The following TJP3 variants were observed in gnomAD, a reference collection of about 807,000 sequenced individuals.
The protein encoded by TJP3 is tight junction protein ZO-3.
A neutral mutation model predicts 104.2 loss-of-function variants in TJP3; 85 were observed. That is an observed-to-expected ratio of 0.82 (90% CI 0.68 to 0.98). TJP3 has a LOEUF of 0.98. Ranked by LOEUF, TJP3 falls within the 50% of genes least tolerant of loss-of-function variation. TJP3 has a pLI of 0.00. For synonymous variants in TJP3, 550 were observed against 550.6 expected (o/e 1.00, Z 0.02); for missense variants, 1,367 against 1,322.8 (o/e 1.03, Z -0.52).
chr19:3,715,085 G>A (rs186057619), intron 1 of TJP3, among the ~76,000 whole-genome samples: 2 of 147,710 alleles, frequency 1.4e-5, no homozygotes, highest in South Asian at 4.2e-4. Flanking sequence ...TGTTTGTTTG[G>A]TTGGTTGGTT....
Position 3,744,148 on chromosome 19 carries a change from C to T in TJP3, c.1939+114C>T. On this transcript the variant is annotated intron_variant, in intron 15 of 20. Transcript: ENST00000541714. ...GATGGCAAACATGAAGCAGATGGGC[C>T]ACCAGTGCCCCCCCCAATACCCAAG... The T allele has an allele frequency of 3.4e-6, 3 of 893,616 alleles. No individual in the cohort carries two copies. In the South Asian group the frequency reaches 4.5e-5, roughly 14 times the overall value. 55.4% of individuals were successfully genotyped at this position (893,616 alleles called of 1,614,324 possible).
At chr19:3,724,741 G>A (rs1273050229) in intron 1 of TJP3, among the ~76,000 whole-genome samples, 1 of 152,034 alleles carries the variant, frequency 6.6e-6, no homozygotes, top group African/African-American at 2.4e-5. Context: ...GTCTCACTAT[G>A]TTGCTCAGGT....
At chr19:3,729,787 A>AG (rs2145682053) in intron 3 of TJP3, among the ~76,000 whole-genome samples, 1 of 151,622 alleles carries the variant, frequency 6.6e-6, no homozygotes, top group East Asian at 1.9e-4. Flanking sequence ...GTCTCAAAAA[A>AG]AAAAAAAAAA....
At position 3,750,164 on chromosome 19, in the gene TJP3, G is replaced by T; in HGVS notation, c.2637G>T (p.Gln879His). 1 of 1,613,916 alleles carries T rather than the reference G, an allele frequency of 6.2e-7. No homozygotes were observed. The highest frequency in any genetic ancestry group is 1.1e-5 in the South Asian group (1 of 91,050). ...AQVDSRHPQG[Q>H]WRQDSMRTYE... is the part of the protein sequence containing the mutation. ...TGGACAGCCGCCACCCCCAGGGACA[G>T]TGGCGACAGGACAGCATGCGGTAAG... The change falls in exon 20 of 21, where the codon CAG becomes CAT. Residue 879 changes from glutamine (Q) to histidine (H), a missense_variant. Gln to His is a conservative substitution (Grantham distance 24). Coordinates refer to ENST00000541714, the MANE Select transcript of TJP3 (RefSeq NM_001267560.2).
chr19:3,741,691 G>T (rs1020625149), intron 14 of TJP3, among the ~76,000 whole-genome samples: 7 of 151,330 alleles, frequency 4.6e-5, no homozygotes, highest in African/African-American at 1.7e-4. Flanking sequence ...TTTTGGGCCT[G>T]GGTGCGGTGG....
intron 14 of TJP3, among the ~76,000 whole-genome samples, chr19:3,742,146 T>A (rs1568386731): frequency 6.6e-6 from 1 of 152,144 alleles, no homozygotes; most frequent in Admixed American, 6.6e-5. Flanking sequence ...ATAATTTATC[T>A]TCTTTGACCG....
chr19:3,749,850 G>A (rs143470894), intron 19 of TJP3, among the ~76,000 whole-genome samples: 300 of 152,330 alleles, frequency 2.0e-3, no homozygotes, highest in African/African-American at 7.1e-3. Context: ...ACTGTACTAA[G>A]TCCTTTACGT....
intron 1 of TJP3, among the ~76,000 whole-genome samples, chr19:3,726,126 AC>A (rs1427425120): frequency 6.6e-6 from 1 of 151,728 alleles, no homozygotes; most frequent in Non-Finnish European, 1.5e-5. Flanking sequence ...AGCCTAGAAA[AC>A]CCGCCCCGGG....
chr19:3,735,583 G>C lies in TJP3; in HGVS notation c.1004G>C (p.Arg335Pro), dbSNP rs776813425. Residue 335 changes from arginine (R) to proline (P), a missense_variant, in exon 9 of 21, where the codon CGG becomes CCG. Transcript: ENST00000541714. ...TDSPVESPRL[R>P]RESSVDSRTI... ...CCCACCAGGGAGAGTCCCCGGCTTC[G>C]GCGGGAAAGTTCAGTAGATTCCAGA... is the stretch of plus-strand genomic sequence containing the variant. 6.2e-7 allele frequency: 1 copy of C among 1,614,036 alleles called. No individual in the cohort carries two copies. The highest frequency in any genetic ancestry group is 1.3e-5 in the African/African-American group (1 of 74,914).
chr19:3,736,113 C>G, intron 10 of TJP3, 52 bp from the exon 11 acceptor site: 1 of 1,561,706 alleles, frequency 6.4e-7, no homozygotes, highest in South Asian at 1.2e-5. Context: ...ATGCTGAGCC[C>G]TCCCTTTGTC....
intron 1 of TJP3, among the ~76,000 whole-genome samples, chr19:3,710,285 G>T (rs33989798): frequency 1.3e-5 from 2 of 151,594 alleles, no homozygotes; most frequent in Non-Finnish European, 2.9e-5. Context: ...GTCCGAATCG[G>T]AGTCTGGTCT....
At chr19:3,710,839 G>A (rs370123956) in intron 1 of TJP3, among the ~76,000 whole-genome samples, 3 of 152,274 alleles carry the variant, frequency 2.0e-5, no homozygotes, top group Middle Eastern at 3.4e-3. Flanking sequence ...AAACAAGAGC[G>A]CAGTAATGGA....
chr19:3,746,842 A>G lies in TJP3; in HGVS notation c.2288A>G (p.Gln763Arg). ...GAGCTCAAGGCCATCATTCGAGAGC[A>G]GCAGACGCGGCCCATCTGGACGGCG... ...YQELKAIIRE[Q>R]QTRPIWTAED... The change falls in exon 18 of 21, where the codon CAG becomes CGG. Residue 763 changes from glutamine to arginine, a missense_variant. Gln to Arg is a conservative substitution (Grantham distance 43). Coordinates refer to ENST00000541714, the MANE Select transcript of TJP3 (RefSeq NM_001267560.2). This position sits in a 1 kb window ranked among gnomAD's most constrained non-coding sequence, Gnocchi z 4.1. 6.2e-7 allele frequency: 1 copy of G among 1,609,528 alleles called. No homozygotes were observed. Among genetic ancestry groups the G allele is most frequent in the Non-Finnish European group, 8.5e-7 (1 of 1,177,918 alleles).
At position 3,731,949 on chromosome 19, in the gene TJP3, C is replaced by G; in HGVS notation, c.628C>G (p.Leu210Val). The change falls in exon 6 of 21, where the codon CTG becomes GTG. Residue 210 changes from leucine to valine, a missense_variant. Leu to Val is a conservative substitution (Grantham distance 32). Transcript: ENST00000541714. ...CCCCCTTACAGAGTTTGGCGTCAAG[C>G]TGGGCAGTCAGATCTTCATCAAGCA... The part of the protein sequence containing the change: ...RRDSEEFGVK[L>V]GSQIFIKHIT... 6.2e-7 allele frequency: 1 copy of G among 1,613,220 alleles called. No homozygotes were observed. Among genetic ancestry groups the G allele is most frequent in the Non-Finnish European group, 8.5e-7 (1 of 1,179,586 alleles).
chr19:3,730,782 G>A lies in TJP3; in HGVS notation c.613+76G>A. 6 of 1,449,458 alleles carry A rather than the reference G, an allele frequency of 4.1e-6. No individual in the cohort carries two copies. The highest frequency in any genetic ancestry group is 5.5e-6 in the Non-Finnish European group (6 of 1,086,738). 89.8% of individuals were successfully genotyped at this position (1,449,458 alleles called of 1,614,324 possible). On this transcript the variant is annotated intron_variant, in intron 5 of 20. Transcript: ENST00000541714. This position sits in a 1 kb window ranked among gnomAD's most constrained non-coding sequence, Gnocchi z 7.3. ...GTGGTCGGATGGGCGACGGTTTCAA[G>A]TGATTCTCCTGCCTCAGCCTCCCTG...
chr19:3,734,222 G>T, intron 7 of TJP3, 105 bp from the exon 8 acceptor site: 1 of 1,199,946 alleles, frequency 8.3e-7, no homozygotes. Flanking sequence ...TTCTGACTTT[G>T]GTCTAGGGCC....
chr19:3,728,377 T>G, intron 1 of TJP3, 47 bp from the exon 2 acceptor site: 1 of 1,613,948 alleles, frequency 6.2e-7, no homozygotes, highest in South Asian at 1.1e-5. Context: ...AGTGCTCAGA[T>G]GAACCTGTGT....
chr19:3,717,990 C>G (rs373089561), intron 1 of TJP3, among the ~76,000 whole-genome samples: 1 of 148,844 alleles, frequency 6.7e-6, no homozygotes, highest in Non-Finnish European at 1.5e-5. Context: ...CCGAGGGGGG[C>G]GGATCACAAG....
Position 3,740,689 on chromosome 19 carries a change from G to C in TJP3, c.1769G>C (p.Arg590Pro). 1 of 1,606,732 alleles carries C rather than the reference G, an allele frequency of 6.2e-7. No individual in the cohort carries two copies. The highest frequency in any genetic ancestry group is 8.5e-7 in the Non-Finnish European group (1 of 1,177,220). ...LRRGAKKTTQ[R>P]SREDLSALTR... ...CGAGGAGCCAAGAAGACCACTCAGC[G>C]GAGCCGTGAGGACCTCTCAGCTCTG... Residue 590 changes from arginine (R) to proline (P), a missense_variant, in exon 14 of 21, where the codon CGG becomes CCG. Physicochemically the swap from Arg to Pro is moderately radical, Grantham distance 103. Coordinates refer to ENST00000541714, the MANE Select transcript of TJP3 (RefSeq NM_001267560.2).
Sources: allele counts gnomAD v4.1 joint callset (sites outside exome capture counted in the v4.1 genomes callset), GRCh38; gene constraint gnomAD v4.1.1; non-coding constraint Gnocchi (gnomAD v3.1); transcripts MANE v1.5; gene names NCBI Gene and HGNC (gene_info 2026-07-23, HGNC 2026-07-21).